AGBL4: variants seen among roughly 807,000 people sequenced by gnomAD.
AGBL4 encodes the protein cytosolic carboxypeptidase 6.
In AGBL4, 58 loss-of-function variants were observed where a neutral mutation model predicts 66.4. The observed-to-expected ratio is 0.87, with a 90% CI of 0.71 to 1.09. The LOEUF is 1.09. Among genes scored for constraint, AGBL4 ranks in the 50% least tolerant of loss-of-function variants. The pLI, the probability that AGBL4 is intolerant of heterozygous loss-of-function variation, is 0.00. For missense variants in AGBL4, 579 were observed against 631.0 expected (o/e 0.92, Z 0.88); for synonymous variants, 234 against 222.9 (o/e 1.05, Z -0.44).
chr1:49,512,326 C>CT (rs1400160210), intron 3 of AGBL4, among the ~76,000 whole-genome samples: 27 of 151,920 alleles, frequency 1.8e-4, no homozygotes, highest in Non-Finnish European at 2.9e-5. Context: ...TGAGCATCTG[C>CT]TTTTTCCAAA....
intron 3 of AGBL4, among the ~76,000 whole-genome samples, chr1:49,663,187 T>C (rs890898011): frequency 1.3e-5 from 2 of 152,128 alleles, no homozygotes; most frequent in Admixed American, 1.3e-4. Context: ...ATCAATGGAA[T>C]ATAAGAAGAC....
intron 6 of AGBL4, among the ~76,000 whole-genome samples, chr1:48,855,464 G>A (rs577655201): frequency 5.9e-5 from 9 of 152,260 alleles, no homozygotes; most frequent in South Asian, 4.1e-4. Context: ...CTAATCGTCC[G>A]AGTAACACCA....
intron 3 of AGBL4, among the ~76,000 whole-genome samples, chr1:49,557,130 C>G (rs1643922350): frequency 6.6e-6 from 1 of 152,066 alleles, no homozygotes; most frequent in Non-Finnish European, 1.5e-5. Flanking sequence ...TGGCTGCAGC[C>G]TTGGCCAGCC....
chr1:48,722,475 T>C (rs1647167624), intron 6 of AGBL4, among the ~76,000 whole-genome samples: 1 of 148,768 alleles, frequency 6.7e-6, no homozygotes, highest in Admixed American at 6.8e-5. Context: ...AACTGCATAA[T>C]GAGTAGGGGG....
intron 1 of AGBL4, among the ~76,000 whole-genome samples, chr1:49,968,684 G>C (rs1007807044): frequency 6.6e-6 from 1 of 152,124 alleles, no homozygotes; most frequent in Non-Finnish European, 1.5e-5. Context: ...TGAATTCCTA[G>C]AAGGCTCTTT....
At chr1:49,822,505 G>A (rs1645396001) in intron 2 of AGBL4, among the ~76,000 whole-genome samples, 1 of 152,052 alleles carries the variant, frequency 6.6e-6, no homozygotes, top group African/African-American at 2.4e-5. Context: ...TTGTATTTTA[G>A]TAGAGATGGG....
intron 2 of AGBL4, chr1:49,845,103 T>TA: frequency 1.4e-6 from 2 of 1,454,462 alleles, no homozygotes; most frequent in Non-Finnish European, 1.9e-6. Flanking sequence ...GAAAGGCCTT[T>TA]AGTCACAGCT....
chr1:49,298,702 G>A (rs1025183886), intron 3 of AGBL4, among the ~76,000 whole-genome samples: 15 of 151,990 alleles, frequency 9.9e-5, no homozygotes, highest in African/African-American at 1.9e-4. Flanking sequence ...AACTTGATGG[G>A]AAATTATAAG....
intron 1 of AGBL4, among the ~76,000 whole-genome samples, chr1:49,915,285 G>A (rs1259866470): frequency 1.3e-5 from 2 of 152,078 alleles, no homozygotes; most frequent in Non-Finnish European, 2.9e-5. Context: ...GCAGGGTGAG[G>A]CATTGCCTCA....
chr1:49,875,509 G>GT (rs1163068843), intron 1 of AGBL4, among the ~76,000 whole-genome samples: 3 of 146,754 alleles, frequency 2.0e-5, no homozygotes, highest in African/African-American at 7.6e-5. Context: ...TGGCTGCATA[G>GT]TATTCTATGG....
At chr1:48,927,334 C>T (rs543367307) in intron 5 of AGBL4, among the ~76,000 whole-genome samples, 4 of 152,228 alleles carry the variant, frequency 2.6e-5, no homozygotes, top group African/African-American at 9.6e-5. Context: ...AGAGCATGTG[C>T]AGGGTAACTC....
At chr1:48,739,021 C>T (rs917277150) in intron 6 of AGBL4, among the ~76,000 whole-genome samples, 1 of 152,222 alleles carries the variant, frequency 6.6e-6, no homozygotes, top group African/African-American at 2.4e-5. Flanking sequence ...AGCTTCTGCT[C>T]TCCCTGTCTT....
intron 2 of AGBL4, among the ~76,000 whole-genome samples, chr1:49,832,252 T>C (rs971783044): frequency 4.2e-4 from 63 of 150,860 alleles, no homozygotes; most frequent in Non-Finnish European, 7.2e-4. Context: ...TGGTGTTTGG[T>C]TTTTTGTTCT....
chr1:49,224,535 T>C (rs1649746766), intron 4 of AGBL4, among the ~76,000 whole-genome samples: 1 of 144,380 alleles, frequency 6.9e-6, no homozygotes, highest in South Asian at 2.2e-4. Context: ...AAGAATGGCG[T>C]GGACCCAGGA....
At chr1:48,522,611 A>C in the AGBL4 span, among the ~76,000 whole-genome samples, 2 of 152,212 alleles carry the variant, frequency 1.3e-5, no homozygotes, top group Non-Finnish European at 2.9e-5. Flanking sequence ...TTAGGTCCTC[A>C]GTACTGCATC....
intron 5 of AGBL4, among the ~76,000 whole-genome samples, chr1:48,986,138 C>T (rs1299060420): frequency 6.6e-6 from 1 of 151,964 alleles, no homozygotes; most frequent in Non-Finnish European, 1.5e-5. Context: ...AAAAGACCTT[C>T]CCTCCCCAAT....
chr1:49,369,943 T>C (rs914630229), intron 3 of AGBL4, among the ~76,000 whole-genome samples: 9 of 151,542 alleles, frequency 5.9e-5, no homozygotes, highest in Admixed American at 4.6e-4. Context: ...AAGGCTTAAA[T>C]AGAATGAAAA....
chr1:48,714,314 C>T lies in AGBL4; in HGVS notation c.635-51073G>A, dbSNP rs528943072. ...TCTCCATGGCCCCTCCACAGTGCCA[C>T]CCCAGGGAGGACAAATCTTCAGTCC... On this transcript the variant is annotated intron_variant, in intron 6 of 13. Transcript: ENST00000371839. Among the ~76,000 whole-genome samples, 8 of 152,284 alleles carry T rather than the reference C, an allele frequency of 5.3e-5. No homozygotes were observed. In the South Asian group the frequency reaches 1.4e-3, roughly 28 times the overall value.
intron 1 of AGBL4, among the ~76,000 whole-genome samples, chr1:50,022,371 C>T (rs937747979): frequency 6.6e-6 from 1 of 151,996 alleles, no homozygotes; most frequent in Non-Finnish European, 1.5e-5. Flanking sequence ...TAACTTATTG[C>T]CAGGCATATA....
Sources: gnomAD v4.1 joint callset for allele counts (sites outside exome capture counted in the v4.1 genomes callset) on GRCh38, gnomAD v4.1.1 for gene constraint, MANE v1.5 for transcripts, NCBI Gene and HGNC (gene_info 2026-07-23, HGNC 2026-07-21) for gene names.